SP1: variants seen among roughly 807,000 people sequenced by gnomAD.
SP1 encodes the protein Sp1 transcription factor.
In SP1, 6 loss-of-function variants were observed where a neutral mutation model predicts 66.3. That is an observed-to-expected ratio of 0.09 (90% CI 0.05 to 0.18). The LOEUF is 0.18. Among genes scored for constraint, SP1 ranks in the 10% least tolerant of loss-of-function variants. The pLI, the probability that SP1 is intolerant of heterozygous loss-of-function variation, is 1.00. For synonymous variants in SP1, 417 were observed against 360.8 expected (o/e 1.16, Z -1.77); for missense variants, 848 against 964.5 (o/e 0.88, Z 1.60).
intron 3 of SP1, among the ~76,000 whole-genome samples, chr12:53,383,995 A>C (rs1273069714): frequency 1.4e-5 from 2 of 147,284 alleles, no homozygotes; most frequent in Admixed American, 1.4e-4. Context: ...TTTGAGACAG[A>C]GTCTTGCTCT....
chr12:53,404,826 A>G (rs1043428485), intron 3 of SP1, among the ~76,000 whole-genome samples: 5 of 151,738 alleles, frequency 3.3e-5, no homozygotes, highest in African/African-American at 9.7e-5. Flanking sequence ...GCATGCCACC[A>G]TGCCCAGCTA....
At chr12:53,381,131 T>C (rs1938087262) in intron 1 of SP1, among the ~76,000 whole-genome samples, 1 of 151,796 alleles carries the variant, frequency 6.6e-6, no homozygotes, top group Non-Finnish European at 1.5e-5. Flanking sequence ...TTTGTATTTT[T>C]AGTAGAGACA....
In SP1 at chr12:53,380,297, C is replaced by T; in HGVS notation, c.6C>T (p.Ser2=). 4.0e-6 allele frequency: 6 copies of T among 1,518,384 alleles called. No homozygotes were observed. The highest frequency in any genetic ancestry group is 4.5e-6 in the Non-Finnish European group (5 of 1,119,716). 94.1% of individuals were successfully genotyped at this position (1,518,384 alleles called of 1,614,324 possible). The part of the protein sequence containing the change: M[S]DQDHSMDEMT... Reference sequence around the variant, plus strand: ...CTTGTCCCTCAGCTGCCACCATGAGCGGTAAGGATGAGTCCACTCCAAGCT... The same window carrying T: ...CTTGTCCCTCAGCTGCCACCATGAGTGGTAAGGATGAGTCCACTCCAAGCT... The change falls in exon 1 of 6, where the codon AGC becomes AGT. Residue 2 remains serine, a splice_region_variant and synonymous_variant. Coordinates refer to ENST00000327443, the MANE Select transcript of SP1 (RefSeq NM_138473.3).
intron 4 of SP1, among the ~76,000 whole-genome samples, chr12:53,409,063 A>T (rs1938820561): frequency 6.6e-6 from 1 of 151,662 alleles, no homozygotes. Flanking sequence ...CATCTGCACT[A>T]AAAATATAAA....
chr12:53,382,719 G>A lies in SP1; in HGVS notation c.772G>A (p.Val258Met). Residue 258 changes from valine (V) to methionine (M), a missense_variant, in exon 3 of 6, where the codon GTG becomes ATG. Val to Met is a conservative substitution (Grantham distance 21). Around this residue, in one of 7 missense-constraint regions of SP1, gnomAD observed 606 missense variants for 589.9 expected, o/e 1.03. Coordinates refer to ENST00000327443, the MANE Select transcript of SP1 (RefSeq NM_138473.3). ...GQTQYVTNVP[V>M]ALNGNITLLP... ...GACTCAGTATGTGACCAATGTACCA[G>A]TGGCCCTGAATGGGAACATCACCTT... The A allele has an allele frequency of 6.2e-7, 1 of 1,614,132 alleles. No homozygotes were observed. Among genetic ancestry groups the A allele is most frequent in the Non-Finnish European group, 8.5e-7 (1 of 1,180,016 alleles).
rs527743210 is a variant in SP1 at position 53,385,306 on chromosome 12, T to C, written c.1675+1684T>C. ...AAGACCCTGTCTCAAAAAATAAAAATAAAAGGCGGCCGGGCGCGGTGGCTC... is the reference window on the plus strand; with the variant it reads ...AAGACCCTGTCTCAAAAAATAAAAACAAAAGGCGGCCGGGCGCGGTGGCTC... On this transcript the variant is annotated intron_variant, in intron 3 of 5. Transcript: ENST00000327443. Among the ~76,000 whole-genome samples, 9 of 110,300 alleles carry C rather than the reference T, an allele frequency of 8.2e-5. No homozygotes were observed. The East Asian group carries it at 1.3e-3, about 16-fold the overall frequency. 72.4% of individuals were successfully genotyped at this position (110,300 alleles called of 152,430 possible). A position where few individuals can be genotyped will look rare whatever the true frequency, so the allele number is the denominator to read the frequency against.
At chr12:53,391,253 C>G (rs1001582348) in intron 3 of SP1, among the ~76,000 whole-genome samples, 1 of 151,792 alleles carries the variant, frequency 6.6e-6, no homozygotes, top group African/African-American at 2.4e-5. Context: ...TATATTTGCC[C>G]ACACTGTGAT....
chr12:53,410,978 AC>A lies in SP1; in HGVS notation c.2098del (p.His700ThrfsTer18). The A allele has an allele frequency of 6.2e-7, 1 of 1,614,138 alleles. No individual in the cohort carries two copies. The highest frequency in any genetic ancestry group is 1.7e-5 in the Admixed American group (1 of 60,018). ...PECPKRFMRS[D>X]HLSKHIKTHQ... ...TGTCCTAAGCGCTTCATGAGGAGTG[AC>A]CACCTGTCAAAACATATCAAGACCC... is the stretch of plus-strand genomic sequence containing the variant. On this transcript the variant is annotated frameshift_variant, in exon 6 of 6. Coordinates refer to ENST00000327443, the MANE Select transcript of SP1 (RefSeq NM_138473.3). LOFTEE classifies it high-confidence loss of function.
intron 1 of SP1, 34 bp from the exon 2 acceptor site, chr12:53,381,625 C>A (rs756315508): frequency 6.4e-7 from 1 of 1,566,766 alleles, no homozygotes; most frequent in Admixed American, 1.9e-5. Flanking sequence ...TTTCTTCCCT[C>A]AAGTTTACGT....
intron 3 of SP1, among the ~76,000 whole-genome samples, chr12:53,384,120 C>T (rs932315452): frequency 2.0e-5 from 3 of 151,604 alleles, no homozygotes; most frequent in African/African-American, 7.3e-5. Context: ...CAGGTGCCTG[C>T]CACCACGCCC....
At chr12:53,383,717 A>C (rs1938163120) in intron 3 of SP1, 95 bp downstream of exon 3, 1 of 1,000,152 alleles carries the variant, frequency 1.0e-6, no homozygotes, top group Non-Finnish European at 1.5e-6. Flanking sequence ...TTTTGAGATA[A>C]CACTTTCTTG....
rs529937142 is a variant in SP1 at position 53,381,809 on chromosome 12, G to A, written c.158G>A (p.Gly53Glu). The part of the protein sequence containing the change: ...TGSSSSTGGG[G>E]QESQPSPLAL... ...AGTAGCAGCAGCACTGGAGGAGGAG[G>A]GCAGGTAAGTGATAATCATAGAGTG... is the stretch of plus-strand genomic sequence containing the variant. Residue 53 changes from glycine (G) to glutamate (E), a missense_variant, in exon 2 of 6, where the codon GGG becomes GAG. By Grantham distance (98) the Gly-to-Glu change is moderately conservative (BLOSUM62 -2). Coordinates refer to ENST00000327443, the MANE Select transcript of SP1 (RefSeq NM_138473.3). 1 of 1,611,902 alleles carries A rather than the reference G, an allele frequency of 6.2e-7. No homozygotes were observed. The highest frequency in any genetic ancestry group is 1.1e-5 in the South Asian group (1 of 90,724).
At chr12:53,400,968 G>T (rs931776352) in intron 3 of SP1, among the ~76,000 whole-genome samples, 7 of 151,300 alleles carry the variant, frequency 4.6e-5, no homozygotes, top group Non-Finnish European at 1.0e-4. Flanking sequence ...CACCATGTTG[G>T]CCAGGCTGGT....
At chr12:53,383,952 CAT>C (rs1938166962) in intron 3 of SP1, among the ~76,000 whole-genome samples, 2 of 150,214 alleles carry the variant, frequency 1.3e-5, no homozygotes, top group Non-Finnish European at 1.5e-5. Flanking sequence ...TTGTGGGCCT[CAT>C]GTGGTCACAT....
chr12:53,385,634 G>C lies in SP1; in HGVS notation c.1675+2012G>C, dbSNP rs556445673. 8.7e-5 allele frequency among the ~76,000 whole-genome samples: 13 copies of C among 149,924 alleles called. No homozygotes were observed. The East Asian group carries it at 2.6e-3, about 30-fold the overall frequency. The stretch of plus-strand genomic sequence containing the variant: ...TAAATAAAAATAAATTTGATTATGG[G>C]CTGGGCGCGGTGGCTCACGCCTATA... On this transcript the variant is annotated intron_variant, in intron 3 of 5. Coordinates refer to ENST00000327443, the MANE Select transcript of SP1 (RefSeq NM_138473.3).
rs774415873 is a variant in SP1, at chr12:53,411,244, C to T, written c.*4C>T. 3.1e-6 allele frequency: 5 copies of T among 1,605,702 alleles called. No individual in the cohort carries two copies. The East Asian group carries it at 6.7e-5, about 22-fold the overall frequency. Reference sequence around the variant, plus strand: ...TATCAGTGGCAATGGCTTCTGAGATCAGGCACCCGGGGCCAGAGACATATG... The same window carrying T: ...TATCAGTGGCAATGGCTTCTGAGATTAGGCACCCGGGGCCAGAGACATATG... On this transcript the variant is annotated 3_prime_UTR_variant, in exon 6 of 6. Transcript: ENST00000327443.
intron 3 of SP1, among the ~76,000 whole-genome samples, chr12:53,384,620 C>A (rs1460624858): frequency 1.3e-5 from 2 of 152,086 alleles, no homozygotes; most frequent in South Asian, 4.1e-4. Context: ...TTTCCACACC[C>A]CTTTAAAAAT....
intron 3 of SP1, among the ~76,000 whole-genome samples, chr12:53,399,266 A>T (rs1938554191): frequency 6.6e-6 from 1 of 152,114 alleles, no homozygotes; most frequent in South Asian, 2.1e-4. Flanking sequence ...TTTGAGCCTT[A>T]GCCTCCCGAG....
chr12:53,393,176 T>A (rs71455246), intron 3 of SP1, among the ~76,000 whole-genome samples: 6 of 152,140 alleles, frequency 3.9e-5, no homozygotes, highest in Non-Finnish European at 1.5e-5. Flanking sequence ...CTTAGGCAGG[T>A]AGTGGCTCAA....
Sources: gnomAD v4.1 joint callset for allele counts (sites outside exome capture counted in the v4.1 genomes callset) on GRCh38, gnomAD v4.1.1 for gene constraint, gnomAD v4.1.1 regional missense constraint, MANE v1.5 for transcripts, NCBI Gene and HGNC (gene_info 2026-07-23, HGNC 2026-07-21) for gene names.